UNC13B: variants seen among roughly 807,000 people sequenced by gnomAD.
UNC13B encodes unc-13 homolog B.
In UNC13B, 144 loss-of-function variants were observed where a neutral mutation model predicts 211.0. The ratio of observed to expected loss-of-function variants is 0.68; its 90% CI spans 0.60 to 0.78. The LOEUF is 0.78. Ranked by LOEUF, UNC13B falls within the 30% of genes least tolerant of loss-of-function variation. The pLI is 0.00. For missense variants in UNC13B, 1,777 were observed against 2,002.0 expected, an observed-to-expected ratio of 0.89 and a Z score of 2.14; for synonymous variants, 709 against 725.8, an observed-to-expected ratio of 0.98 and a Z score of 0.37.
At chr9:35,362,331 T>C (rs552965714) in intron 11 of UNC13B, among the ~76,000 whole-genome samples, 1 of 152,292 alleles carries the variant, frequency 6.6e-6, no homozygotes, top group African/African-American at 2.4e-5. Flanking sequence ...GTTTAGTGTT[T>C]GGATATGTTG....
chr9:35,397,692 T>C lies in UNC13B; in HGVS notation c.11734T>C (p.Tyr3912His). ...ADILSKDFPA[Y>H]CTKEKLPCIL... ...CATCTTGTCAAAGGACTTCCCAGCC[T>C]ATTGCACAAAGGAGAAACTGGTAGG... The change falls in exon 30 of 40, where the codon TAT becomes CAT. Residue 3912 changes from tyrosine (Y) to histidine (H), a missense_variant. By Grantham distance (83) the Tyr-to-His change is moderately conservative. Transcript: ENST00000635942. 6.2e-7 allele frequency: 1 copy of C among 1,614,110 alleles called. No individual in the cohort carries two copies. Among genetic ancestry groups the C allele is most frequent in the Non-Finnish European group, 8.5e-7 (1 of 1,179,998 alleles).
intron 5 of UNC13B, among the ~76,000 whole-genome samples, chr9:35,242,282 A>AT (rs35774839): frequency 2.0e-5 from 3 of 152,194 alleles, no homozygotes; most frequent in Non-Finnish European, 4.4e-5. Context: ...CTTTTAAAAA[A>AT]TTTTTAATTG....
chr9:35,389,353 C>T (rs983090560), intron 24 of UNC13B, among the ~76,000 whole-genome samples: 5 of 152,124 alleles, frequency 3.3e-5, no homozygotes, highest in Non-Finnish European at 7.3e-5. Context: ...GGCTGAAATG[C>T]GCACCAGATC....
chr9:35,251,494 G>A (rs1826488142), intron 6 of UNC13B, among the ~76,000 whole-genome samples: 1 of 152,092 alleles, frequency 6.6e-6, no homozygotes, highest in Admixed American at 6.5e-5. Flanking sequence ...GGCTGAGGCA[G>A]GAGAATCACT....
At chr9:35,388,827 T>C (rs562440049) in intron 24 of UNC13B, among the ~76,000 whole-genome samples, 1 of 152,314 alleles carries the variant, frequency 6.6e-6, no homozygotes, top group South Asian at 2.1e-4. Flanking sequence ...GAGTAACACA[T>C]TGAGATTTTC....
chr9:35,257,370 TAAA>T (rs11389755), intron 6 of UNC13B, among the ~76,000 whole-genome samples: 19 of 60,650 alleles, frequency 3.1e-4, no homozygotes, highest in African/African-American at 6.0e-4. Flanking sequence ...TAAATATTTA[TAAA>T]ATATTTATAT....
chr9:35,228,432 ACC>A (rs1824985859), intron 2 of UNC13B, among the ~76,000 whole-genome samples: 1 of 151,884 alleles, frequency 6.6e-6, no homozygotes, highest in African/African-American at 2.4e-5. Flanking sequence ...GGTTTGCTGC[ACC>A]CATTAACTCG....
At chr9:35,288,017 T>C (rs1201290424) in intron 7 of UNC13B, among the ~76,000 whole-genome samples, 1 of 152,198 alleles carries the variant, frequency 6.6e-6, no homozygotes, top group Non-Finnish European at 1.5e-5. Context: ...CAATATTATT[T>C]AATCCTCCTT....
intron 11 of UNC13B, among the ~76,000 whole-genome samples, chr9:35,366,317 C>G (rs1338187191): frequency 1.3e-5 from 2 of 152,168 alleles, no homozygotes; most frequent in Non-Finnish European, 2.9e-5. Flanking sequence ...TTTGGTGTCT[C>G]AAGTTTCGAC....
intron 13 of UNC13B, among the ~76,000 whole-genome samples, chr9:35,372,408 AG>A (rs1220432478): frequency 1.3e-5 from 2 of 152,224 alleles, no homozygotes; most frequent in Admixed American, 6.5e-5. Context: ...GTGCCTCTCC[AG>A]GGGCTGCCCC....
At chr9:35,199,516 CT>C (rs1350042998) in intron 1 of UNC13B, among the ~76,000 whole-genome samples, 1 of 152,132 alleles carries the variant, frequency 6.6e-6, no homozygotes, top group Non-Finnish European at 1.5e-5. Flanking sequence ...TGTTTCCTGA[CT>C]TTTTAATGAT....
rs1189559970 is a variant in UNC13B at position 35,307,893 on chromosome 9, G to A, written c.8489G>A (p.Ser2830Asn). The change falls in exon 9 of 40, where the codon AGT becomes AAT. Residue 2830 changes from serine (S) to asparagine (N), a missense_variant. Physicochemically the swap from Ser to Asn is conservative, Grantham distance 46 (BLOSUM62 1). Coordinates refer to ENST00000635942, the MANE Select transcript of UNC13B (RefSeq NM_001371189.2). Reference protein sequence around the residue: ...SSEGKGSVLASDSKLGFGKVD... With the variant: ...SSEGKGSVLANDSKLGFGKVD... ...GAGGGGAAAGGGAGTGTATTAGCAA[G>A]TGATTCAAAACTAGGATTTGGAAAG... 5.0e-6 allele frequency: 2 copies of A among 398,832 alleles called. No individual in the cohort carries two copies. The highest frequency in any genetic ancestry group is 3.6e-5 in the East Asian group (1 of 28,092). 24.7% of individuals were successfully genotyped at this position (398,832 alleles called of 1,614,324 possible).
chr9:35,295,534 A>G (rs567882880), intron 7 of UNC13B, among the ~76,000 whole-genome samples, 162 bp from the exon 8 acceptor site: 1 of 152,264 alleles, frequency 6.6e-6, no homozygotes, highest in African/African-American at 2.4e-5. Flanking sequence ...ATTAATTGAG[A>G]CAGTTCTGCT....
At chr9:35,276,496 G>A (rs969924971) in intron 7 of UNC13B, among the ~76,000 whole-genome samples, 1 of 152,084 alleles carries the variant, frequency 6.6e-6, no homozygotes. Flanking sequence ...TGCAGTTTAT[G>A]TCCATAGAAT....
rs1256453326 is a variant in UNC13B, at chr9:35,302,412, C to G, written c.3008C>G (p.Ser1003Ter). The change falls in exon 9 of 40, where the codon TCA (serine) becomes TGA (stop). Residue 1003 changes from serine to a stop codon, truncating the protein, a stop_gained. Coordinates refer to ENST00000635942, the MANE Select transcript of UNC13B (RefSeq NM_001371189.2). LOFTEE classifies it high-confidence loss of function. Reference protein sequence around the residue: ...VNCPEDAKLSSIKSGSAPNTQ... With the variant: ...VNCPEDAKLS Reference sequence around the variant, plus strand: ...TGTCCTGAAGATGCCAAACTTAGTTCAATAAAATCTGGTTCAGCTCCAAAT... The same window carrying G: ...TGTCCTGAAGATGCCAAACTTAGTTGAATAAAATCTGGTTCAGCTCCAAAT... 1 of 398,268 alleles carries G rather than the reference C, an allele frequency of 2.5e-6. No homozygotes were observed. Among genetic ancestry groups the G allele is most frequent in the African/African-American group, 2.1e-5 (1 of 48,526 alleles). 24.7% of individuals were successfully genotyped at this position (398,268 alleles called of 1,614,324 possible).
intron 11 of UNC13B, among the ~76,000 whole-genome samples, chr9:35,349,347 GAAAAAAA>G (rs56137649): frequency 8.7e-6 from 1 of 115,512 alleles, no homozygotes; most frequent in Non-Finnish European, 1.9e-5. Flanking sequence ...GGTTGGGGAG[GAAAAAAA>G]AAAAAAAAAA....
At position 35,202,442 on chromosome 9, in the gene UNC13B, A is replaced by G. The variant is rs574929151; in HGVS notation, c.23-25573A>G. On this transcript the variant is annotated intron_variant, in intron 1 of 39. Transcript: ENST00000635942. ...TCTCATTGAGCTGTCTAACGTTGAC[A>G]GTGGGGTGTTAAAGTCTCCCCTTAT... Among the ~76,000 whole-genome samples the G allele has an allele frequency of 5.3e-5, 8 of 152,310 alleles. No homozygotes were observed. The South Asian group carries it at 1.7e-3, about 32-fold the overall frequency.
At chr9:35,253,569 A>T (rs1826643031) in intron 6 of UNC13B, among the ~76,000 whole-genome samples, 1 of 152,234 alleles carries the variant, frequency 6.6e-6, no homozygotes, top group Admixed American at 6.5e-5. Flanking sequence ...AAATCATTTT[A>T]AAAATACAAT....
chr9:35,389,186 T>C (rs939320552), intron 24 of UNC13B, among the ~76,000 whole-genome samples: 1 of 152,062 alleles, frequency 6.6e-6, no homozygotes, highest in Admixed American at 6.6e-5. Context: ...GGGCTGTGAA[T>C]ATAGAGTGAT....
Sources: gnomAD v4.1 joint callset for allele counts (sites outside exome capture counted in the v4.1 genomes callset) on GRCh38, gnomAD v4.1.1 for gene constraint, MANE v1.5 for transcripts, NCBI Gene and HGNC (gene_info 2026-07-23, HGNC 2026-07-21) for gene names.